The following SCRN1 variants were observed in gnomAD, a reference collection of about 807,000 sequenced individuals.
SCRN1 encodes secernin 1.
SCRN1 carries 19 observed loss-of-function variants against 43.3 expected under a neutral mutation model. That is an observed-to-expected ratio of 0.44 (90% CI 0.31 to 0.64). The LOEUF is 0.64. SCRN1 is among the 30% of genes least tolerant of loss of function. The pLI, the probability that SCRN1 is intolerant of heterozygous loss-of-function variation, is 0.09. For missense variants in SCRN1, 447 were observed against 524.1 expected (o/e 0.85, Z 1.44); for synonymous variants, 183 against 188.9 (o/e 0.97, Z 0.26).
At chr7:29,973,082 C>T (rs534537574) in intron 1 of SCRN1, among the ~76,000 whole-genome samples, 2 of 152,278 alleles carry the variant, frequency 1.3e-5, no homozygotes, top group African/African-American at 4.8e-5. Flanking sequence ...GTGCTATCAT[C>T]CATATAAACT....
chr7:29,967,166 A>G (rs937989039), intron 2 of SCRN1, among the ~76,000 whole-genome samples: 1 of 147,644 alleles, frequency 6.8e-6, no homozygotes, highest in Non-Finnish European at 1.5e-5. Context: ...TTAACAAACT[A>G]CCATCTAAAC....
At chr7:29,955,049 T>C (rs377451895) in intron 3 of SCRN1, 130 bp downstream of exon 3, 1 of 737,666 alleles carries the variant, frequency 1.4e-6, no homozygotes, top group Non-Finnish European at 2.2e-6. Context: ...CATCTTAAAG[T>C]TTCTATCAAA....
In SCRN1 at chr7:29,947,350, T is replaced by G. The variant is rs1255664904; in HGVS notation, c.342-3171A>C. On this transcript the variant is annotated intron_variant, in intron 3 of 7. Transcript: ENST00000242059. ...TGAGAAAGATGGGTCACACCTGTAC[T>G]TCTCCTGCTTAAAGCCCGTTTGTTT... 31 of 1,546,894 alleles carry G rather than the reference T, an allele frequency of 2.0e-5. No individual in the cohort carries two copies. The Admixed American group carries it at 6.2e-4, about 31-fold the overall frequency.
chr7:29,944,286 T>G, intron 3 of SCRN1, 107 bp from the exon 4 acceptor site: 1 of 886,914 alleles, frequency 1.1e-6, no homozygotes. Flanking sequence ...TGCCAACATG[T>G]GTAAACATGT....
chr7:29,962,197 T>C (rs1203012873), intron 2 of SCRN1, among the ~76,000 whole-genome samples: 1 of 148,104 alleles, frequency 6.8e-6, no homozygotes, highest in Non-Finnish European at 1.5e-5. Context: ...TTACATATAA[T>C]TAAATTATAC....
At chr7:29,977,934 G>A (rs1018197156) in intron 1 of SCRN1, among the ~76,000 whole-genome samples, 5 of 152,208 alleles carry the variant, frequency 3.3e-5, no homozygotes, top group Admixed American at 1.3e-4. Context: ...AGAAGGATAC[G>A]TGATGAAAGC....
Position 29,944,162 on chromosome 7 carries a change from C to G in SCRN1, c.359G>C (p.Gly120Ala). 1 of 1,614,164 alleles carries G rather than the reference C, an allele frequency of 6.2e-7. No individual in the cohort carries two copies. Among genetic ancestry groups the G allele is most frequent in the Non-Finnish European group, 8.5e-7 (1 of 1,180,028 alleles). The change falls in exon 4 of 8, where the codon GGG (glycine) becomes GCG (alanine). Residue 120 changes from glycine (G) to alanine (A), a missense_variant. Gly to Ala is a moderately conservative substitution (Grantham distance 60). Coordinates refer to ENST00000242059, the MANE Select transcript of SCRN1 (RefSeq NM_014766.5). The part of the protein sequence containing the change: ...MDLVRLGLER[G>A]ETAKEALDVI... ...ATCTAAGGCTTCTTTAGCTGTTTCCCCTCTTTCTAAACCAAGCCTGCAGGA... is the reference window on the plus strand; with the variant it reads ...ATCTAAGGCTTCTTTAGCTGTTTCCGCTCTTTCTAAACCAAGCCTGCAGGA...
chr7:29,984,224 A>G (rs1169921016), intron 1 of SCRN1, among the ~76,000 whole-genome samples: 6 of 148,900 alleles, frequency 4.0e-5, no homozygotes, highest in Middle Eastern at 3.5e-3. Context: ...AAAAAAAAAA[A>G]AGAAATCTGT....
chr7:29,948,096 G>A (rs1296576989), intron 3 of SCRN1, among the ~76,000 whole-genome samples: 1 of 152,212 alleles, frequency 6.6e-6, no homozygotes, highest in Non-Finnish European at 1.5e-5. Context: ...GTGATCCAGG[G>A]AAAGAGCGTG....
At chr7:29,966,121 C>CAGAG (rs529436508) in intron 2 of SCRN1, among the ~76,000 whole-genome samples, 1 of 127,018 alleles carries the variant, frequency 7.9e-6, no homozygotes, top group African/African-American at 3.0e-5. Flanking sequence ...CAGAGACACA[C>CAGAG]AGAGAGAGAG....
At chr7:29,942,706 T>C (rs544964840) in intron 4 of SCRN1, among the ~76,000 whole-genome samples, 4 of 152,292 alleles carry the variant, frequency 2.6e-5, no homozygotes, top group African/African-American at 7.2e-5. Flanking sequence ...GGTGGGTACA[T>C]GCTGGGCATA....
chr7:29,985,967 G>A (rs1442545715), intron 1 of SCRN1, among the ~76,000 whole-genome samples: 1 of 152,246 alleles, frequency 6.6e-6, no homozygotes, highest in Middle Eastern at 3.2e-3. Context: ...GGGCGAGGTG[G>A]CTCATGCCTG....
At chr7:29,936,763 T>G (rs757785931) in intron 5 of SCRN1, 42 bp from the exon 6 acceptor site, 7 of 1,463,896 alleles carry the variant, frequency 4.8e-6, no homozygotes, top group Admixed American at 1.9e-5. Context: ...AGAGTAGATA[T>G]AGGCCGGGCG....
chr7:29,950,927 T>G lies in SCRN1; in HGVS notation c.341+4252A>C, dbSNP rs1787898620. On this transcript the variant is annotated intron_variant, in intron 3 of 7. Coordinates refer to ENST00000242059, the MANE Select transcript of SCRN1 (RefSeq NM_014766.5). This position sits in a 1 kb window ranked among gnomAD's most constrained non-coding sequence, Gnocchi z 4.5. The stretch of plus-strand genomic sequence containing the variant: ...AGCTGTCCATGTATCTCACTCTTCC[T>G]GAACATGGGACAAGAGCTTGGGACC... 6.6e-6 allele frequency among the ~76,000 whole-genome samples: 1 copy of G among 152,234 alleles called. No individual in the cohort carries two copies. The highest frequency in any genetic ancestry group is 1.5e-5 in the Non-Finnish European group (1 of 68,044).
intron 1 of SCRN1, among the ~76,000 whole-genome samples, chr7:29,988,281 G>T (rs757602228): frequency 6.6e-6 from 1 of 152,212 alleles, no homozygotes; most frequent in Non-Finnish European, 1.5e-5. Flanking sequence ...AGCAGCCACA[G>T]AGTCAACTTT....
intron 1 of SCRN1, chr7:29,969,729 T>C: frequency 2.3e-6 from 1 of 436,890 alleles, no homozygotes; most frequent in Non-Finnish European, 4.6e-6. Context: ...TCTGGGAAAA[T>C]GCATCCATGC....
At chr7:29,960,026 G>A (rs1788258350) in intron 2 of SCRN1, among the ~76,000 whole-genome samples, 1 of 140,354 alleles carries the variant, frequency 7.1e-6, no homozygotes, top group Non-Finnish European at 1.6e-5. Flanking sequence ...AGGGAGGGAG[G>A]GAGGGAGGGA....
In SCRN1 at chr7:29,989,722, TCCG is replaced by T. The variant is rs1415199979; in HGVS notation, c.-85_-83del. On this transcript the variant is annotated 5_prime_UTR_variant, in exon 1 of 8. Coordinates refer to ENST00000242059, the MANE Select transcript of SCRN1 (RefSeq NM_014766.5). ...CGCCGAGGGTGCGGGTGCTGCCGGGTCCGGATTACTGCGGCGACCTCGGGGGCT... is the reference window on the plus strand; with the variant it reads ...CGCCGAGGGTGCGGGTGCTGCCGGGTGATTACTGCGGCGACCTCGGGGGCT... The T allele has an allele frequency of 2.0e-6, 2 of 985,764 alleles. No individual in the cohort carries two copies. The highest frequency in any genetic ancestry group is 3.5e-5 in the African/African-American group (2 of 57,182). The allele number at this position is 985,764 out of a possible 1,614,324, so 61.1% of individuals were successfully genotyped here.
Position 29,923,828 on chromosome 7 carries a change from G to A in SCRN1, c.*129C>T. On this transcript the variant is annotated 3_prime_UTR_variant, in exon 8 of 8. Coordinates refer to ENST00000242059, the MANE Select transcript of SCRN1 (RefSeq NM_014766.5). ...AAGGTGGAACACAAGGTAACAGTTTGATCTGGCTTCAGAAAAGGAGGCCAC... is the reference window on the plus strand; with the variant it reads ...AAGGTGGAACACAAGGTAACAGTTTAATCTGGCTTCAGAAAAGGAGGCCAC... 1 of 986,920 alleles carries A rather than the reference G, an allele frequency of 1.0e-6. No homozygotes were observed. Among genetic ancestry groups the A allele is most frequent in the South Asian group, 1.6e-5 (1 of 63,272 alleles). 61.1% of individuals were successfully genotyped at this position (986,920 alleles called of 1,614,324 possible). A position where few individuals can be genotyped will look rare whatever the true frequency, so the allele number is the denominator to read the frequency against.
Sources: gnomAD v4.1 joint callset for allele counts (sites outside exome capture counted in the v4.1 genomes callset) on GRCh38, gnomAD v4.1.1 for gene constraint, Gnocchi (gnomAD v3.1) non-coding constraint, MANE v1.5 for transcripts, NCBI Gene and HGNC (gene_info 2026-07-23, HGNC 2026-07-21) for gene names.